C3orf22: variants seen among roughly 807,000 people sequenced by gnomAD.
C3orf22 encodes chromosome 3 open reading frame 22, also known as uncharacterized protein C3orf22.
C3orf22 carries 7 observed loss-of-function variants against 10.8 expected under a neutral mutation model. That is an observed-to-expected ratio of 0.65 (90% confidence interval 0.37 to 1.22). C3orf22 has a LOEUF of 1.22. Among genes scored for constraint, C3orf22 ranks in the 50% most tolerant of loss-of-function variants. The pLI, the probability that C3orf22 is intolerant of heterozygous loss-of-function variation, is 0.02. For synonymous variants in C3orf22, 79 were observed against 78.9 expected, an observed-to-expected ratio of 1.00 and a Z score of 0.00; for missense variants, 173 against 177.0, an observed-to-expected ratio of 0.98 and a Z score of 0.13.
Position 126,553,562 on chromosome 3 carries a change from C to G in C3orf22, c.-40-132G>C, listed in dbSNP as rs1467689332. 4.8e-6 allele frequency: 3 copies of G among 629,880 alleles called. No individual in the cohort carries two copies. The African/African-American group carries it at 5.5e-5, about 11-fold the overall frequency. The allele number at this position is 629,880 out of a possible 1,614,324, so 39.0% of individuals were successfully genotyped here. A position where few individuals can be genotyped will look rare whatever the true frequency, so the allele number is the denominator to read the frequency against. On this transcript the variant is annotated intron_variant, in intron 1 of 3. Transcript: ENST00000318225. The stretch of plus-strand genomic sequence containing the variant: ...CTGCATCACTGCCCTGTGCATGCAC[C>G]GCTGTGTTCAATTTTCTCCTGCGTG...
rs113694826 is a variant in C3orf22, at chr3:126,540,333, C to T, written c.286+9204G>A. Among the ~76,000 whole-genome samples, 188 of 152,296 alleles carry T rather than the reference C, an allele frequency of 1.2e-3. 1 individual carries two copies. The Middle Eastern group carries it at 0.014, about 11-fold the overall frequency. ...GTCTAATTTCCAAACATTGTGATCA[C>T]CCTCAAAAGCAGCCCAGTGTCAGTC... On this transcript the variant is annotated intron_variant and NMD_transcript_variant, in intron 4 of 5. Coordinates refer to the C3orf22 transcript ENST00000505070.
chr3:126,554,760 G>A (rs569212434), intron 1 of C3orf22, among the ~76,000 whole-genome samples: 4 of 152,244 alleles, frequency 2.6e-5, no homozygotes, highest in South Asian at 2.1e-4. Context: ...TGACAATGCC[G>A]ACTGCCTGCC....
chr3:126,545,553 C>A (rs1937053685), downstream of C3orf22, among the ~76,000 whole-genome samples: 1 of 152,220 alleles, frequency 6.6e-6, no homozygotes, highest in African/African-American at 2.4e-5. Flanking sequence ...TGGTTTCTCA[C>A]AAACAGCGAG....
intron 4 of C3orf22, among the ~76,000 whole-genome samples, chr3:126,535,389 G>C (rs1576752360): frequency 6.7e-6 from 1 of 149,870 alleles, no homozygotes; most frequent in East Asian, 2.0e-4. Flanking sequence ...CCAGCTGGTA[G>C]ACAGACAGAC....
chr3:126,542,375 G>A, intron 4 of C3orf22: 1 of 1,559,808 alleles, frequency 6.4e-7, no homozygotes, highest in Non-Finnish European at 8.7e-7. Context: ...GGAGGACGCG[G>A]CCTTCGTGCT....
At chr3:126,533,344 AGTT>A (rs1936697111) in intron 4 of C3orf22, among the ~76,000 whole-genome samples, 1 of 152,074 alleles carries the variant, frequency 6.6e-6, no homozygotes, top group Non-Finnish European at 1.5e-5. Context: ...TTCACTATTA[AGTT>A]ATCTGAGGGT....
At chr3:126,530,247 A>C (rs934546215) in intron 4 of C3orf22, among the ~76,000 whole-genome samples, 2 of 152,234 alleles carry the variant, frequency 1.3e-5, no homozygotes, top group African/African-American at 4.8e-5. Flanking sequence ...GGCCACAGCT[A>C]TTCTGAGCCT....
intron 4 of C3orf22, among the ~76,000 whole-genome samples, chr3:126,539,452 C>T (rs1045176759): frequency 2.1e-4 from 32 of 151,520 alleles, no homozygotes; most frequent in South Asian, 2.1e-4. Flanking sequence ...CACACACAAC[C>T]ACAAACACAC....
At chr3:126,534,065 T>G (rs1440927405) in intron 4 of C3orf22, among the ~76,000 whole-genome samples, 1 of 152,206 alleles carries the variant, frequency 6.6e-6, no homozygotes, top group South Asian at 2.1e-4. Context: ...AGTAGTAACA[T>G]CCCCTCTTTC....
rs1576236388 is a variant in C3orf22, at chr3:126,540,027, A to T, written c.286+9510T>A. 2.0e-5 allele frequency among the ~76,000 whole-genome samples: 3 copies of T among 148,128 alleles called. No homozygotes were observed. In the East Asian group the frequency reaches 6.1e-4, roughly 30 times the overall value. On this transcript the variant is annotated intron_variant and NMD_transcript_variant, in intron 4 of 5. Transcript: ENST00000505070. ...AATGCCACACACGCATGCCACACAC[A>T]CGCACACCACACACCACACAGAGAC...
chr3:126,536,330 C>A (rs1170189426), intron 4 of C3orf22: 3 of 1,613,970 alleles, frequency 1.9e-6, no homozygotes. Context: ...AAGCCCCCTG[C>A]AGAAGCTCTA....
chr3:126,547,468 A>C (rs1220494075), downstream of C3orf22, among the ~76,000 whole-genome samples: 1 of 152,162 alleles, frequency 6.6e-6, no homozygotes. Context: ...TCTTCCTTTA[A>C]ACGCCCAGGA....
intron 4 of C3orf22, among the ~76,000 whole-genome samples, chr3:126,533,357 TTTTTCG>T (rs1936697726): frequency 6.6e-6 from 1 of 152,054 alleles, no homozygotes; most frequent in Admixed American, 6.5e-5. Context: ...TATCTGAGGG[TTTTTCG>T]TTGATGCCCT....
At chr3:126,540,566 G>A (rs1288565790) in intron 4 of C3orf22, among the ~76,000 whole-genome samples, 2 of 152,220 alleles carry the variant, frequency 1.3e-5, no homozygotes, top group African/African-American at 4.8e-5. Context: ...TGTCAGCACC[G>A]CATTCCTTTC....
intron 4 of C3orf22, chr3:126,542,714 C>T (rs1295896358): frequency 1.6e-6 from 2 of 1,285,178 alleles, no homozygotes; most frequent in Non-Finnish European, 2.0e-6. Flanking sequence ...GGCCAGCGGG[C>T]GCAGGGCACA....
At chr3:126,555,012 G>A (rs1937293146) in intron 1 of C3orf22, among the ~76,000 whole-genome samples, 1 of 152,226 alleles carries the variant, frequency 6.6e-6, no homozygotes, top group African/African-American at 2.4e-5. Flanking sequence ...CTGAGGGACT[G>A]AATAGTTTTC....
In C3orf22 at chr3:126,556,857, CAG is replaced by C. The variant is rs563796010; in HGVS notation, c.-41+1768_-41+1769del. ...CTCACACACAGACACCCCCCACACA[CAG>C]ACTCACATACACACACACACACAGA... On this transcript the variant is annotated intron_variant, in intron 1 of 3. Transcript: ENST00000318225. Among the ~76,000 whole-genome samples, 167 of 149,164 alleles carry C rather than the reference CAG, an allele frequency of 1.1e-3. No homozygotes were observed. The Middle Eastern group carries it at 0.042, about 37-fold the overall frequency.
exon 6 of C3orf22, chr3:126,527,604 C>T (rs1194649794): frequency 6.6e-6 from 1 of 152,476 alleles, no homozygotes; most frequent in Admixed American, 6.5e-5. Flanking sequence ...ATTGGACAGG[C>T]CTAGGCCACA....
chr3:126,535,822 C>T (rs942517007), intron 4 of C3orf22, among the ~76,000 whole-genome samples: 4 of 152,272 alleles, frequency 2.6e-5, no homozygotes, highest in Non-Finnish European at 4.4e-5. Context: ...CCCACTGTGC[C>T]ATCTCCACTG....
Sources: gnomAD v4.1 joint callset for allele counts (sites outside exome capture counted in the v4.1 genomes callset) on GRCh38, gnomAD v4.1.1 for gene constraint, MANE v1.5 for transcripts, NCBI Gene and HGNC (gene_info 2026-07-23, HGNC 2026-07-21) for gene names.